The following AFG2A variants were observed in gnomAD, a reference collection of about 807,000 sequenced individuals.
AFG2A encodes AAA ATPase AFG2A.
the AFG2A span, among the ~76,000 whole-genome samples, chr4:123,026,652 T>C: frequency 2.6e-5 from 4 of 152,220 alleles, no homozygotes; most frequent in African/African-American, 9.6e-5. Flanking sequence ...ATGAGTAATA[T>C]ACTTTATGTG....
chr4:123,089,230 A>T, the AFG2A span, among the ~76,000 whole-genome samples: 1 of 152,362 alleles, frequency 6.6e-6, no homozygotes, highest in South Asian at 2.1e-4. Flanking sequence ...ACTTTAACTT[A>T]TAAGTCTAAA....
the AFG2A span, among the ~76,000 whole-genome samples, chr4:123,005,465 G>C: frequency 1.3e-5 from 2 of 151,770 alleles, no homozygotes; most frequent in African/African-American, 2.4e-5. Context: ...TTGTTTTATT[G>C]GTTTTCTGTT....
chr4:123,005,711 T>G, the AFG2A span, among the ~76,000 whole-genome samples: 1 of 152,218 alleles, frequency 6.6e-6, no homozygotes, highest in Non-Finnish European at 1.5e-5. Context: ...GTTCAGTATA[T>G]TTTAGAATTT....
At chr4:123,136,703 G>A in the AFG2A span, among the ~76,000 whole-genome samples, 113 of 151,396 alleles carry the variant, frequency 7.5e-4, no homozygotes, top group African/African-American at 2.6e-3. Context: ...TTAGCTGGGC[G>A]TGGTGGCACA....
the AFG2A span, among the ~76,000 whole-genome samples, chr4:123,160,033 G>A: frequency 1.3e-5 from 2 of 151,988 alleles, no homozygotes; most frequent in South Asian, 4.2e-4. Context: ...TGTTGTTGTT[G>A]TTGTTGTTGT....
At chr4:123,000,341 G>A in the AFG2A span, among the ~76,000 whole-genome samples, 4 of 150,750 alleles carry the variant, frequency 2.7e-5, no homozygotes, top group Admixed American at 6.6e-5. Flanking sequence ...CCAACACTAT[G>A]TTGAATAGGA....
At chr4:122,933,460 T>G in the AFG2A span, 3 of 1,612,578 alleles carry the variant, frequency 1.9e-6, no homozygotes, top group Non-Finnish European at 1.7e-6. Flanking sequence ...TGGAAATTAA[T>G]GAAGAAGAAC....
the AFG2A span, among the ~76,000 whole-genome samples, chr4:122,957,293 T>C: frequency 6.6e-6 from 1 of 152,204 alleles, no homozygotes; most frequent in Non-Finnish European, 1.5e-5. Context: ...TTAGAAACAG[T>C]GCTATAAAGC....
the AFG2A span, among the ~76,000 whole-genome samples, chr4:123,174,824 A>T: frequency 6.6e-6 from 1 of 151,154 alleles, no homozygotes; most frequent in East Asian, 1.9e-4. Context: ...TTTTTTAAAA[A>T]AAATATATAT....
At chr4:123,057,435 C>T in the AFG2A span, 1 of 709,146 alleles carries the variant, frequency 1.4e-6, no homozygotes, top group South Asian at 2.1e-5. Flanking sequence ...TAATTTTTTC[C>T]TCTTATACCC....
the AFG2A span, among the ~76,000 whole-genome samples, chr4:122,931,311 CATT>C: frequency 9.9e-5 from 15 of 152,200 alleles, no homozygotes; most frequent in East Asian, 2.1e-3. Context: ...ATTTCCCCCT[CATT>C]GTATTTCTCT....
At chr4:123,181,130 A>G in the AFG2A span, among the ~76,000 whole-genome samples, 6 of 151,750 alleles carry the variant, frequency 4.0e-5, no homozygotes, top group Non-Finnish European at 5.9e-5. Flanking sequence ...GACTACAGGC[A>G]CCCGCCACCG....
chr4:122,924,391 G>C, the AFG2A span, among the ~76,000 whole-genome samples: 1 of 152,146 alleles, frequency 6.6e-6, no homozygotes. Flanking sequence ...CATGGAAACT[G>C]TTCCTGGTGT....
chr4:123,233,701 A>G, the AFG2A span, among the ~76,000 whole-genome samples: 1 of 151,022 alleles, frequency 6.6e-6, no homozygotes, highest in East Asian at 1.9e-4. Flanking sequence ...TGAGTTCTGC[A>G]TTTTCATACA....
At chr4:123,016,037 T>C in the AFG2A span, among the ~76,000 whole-genome samples, 1 of 14,458 alleles carries the variant, frequency 6.9e-5, no homozygotes, top group Non-Finnish European at 2.7e-4. Context: ...GGCGGGGGGC[T>C]GACCCCCCCA....
chr4:123,023,747 T>C, the AFG2A span, among the ~76,000 whole-genome samples: 1 of 152,114 alleles, frequency 6.6e-6, no homozygotes, highest in Non-Finnish European at 1.5e-5. Context: ...CCGAGCAAGA[T>C]GGCAGCCTCC....
the AFG2A span, among the ~76,000 whole-genome samples, chr4:123,309,505 G>GT: frequency 2.0e-5 from 3 of 152,202 alleles, no homozygotes; most frequent in African/African-American, 7.2e-5. Context: ...TGGAGATTAA[G>GT]TTTCAACATA....
At chr4:123,041,933 T>C in the AFG2A span, among the ~76,000 whole-genome samples, 3 of 152,208 alleles carry the variant, frequency 2.0e-5, no homozygotes, top group Non-Finnish European at 4.4e-5. Context: ...GTGTTTATGC[T>C]ATTAGGTATC....
chr4:123,169,683 A>G, the AFG2A span, among the ~76,000 whole-genome samples: 1 of 151,932 alleles, frequency 6.6e-6, no homozygotes, highest in African/African-American at 2.4e-5. Context: ...GTTTCACCAT[A>G]TTGGTCAGGC....
Sources: gnomAD v4.1 joint callset for allele counts (sites outside exome capture counted in the v4.1 genomes callset) on GRCh38, gnomAD v4.1.1 for gene constraint, MANE v1.5 for transcripts, NCBI Gene and HGNC (gene_info 2026-07-23, HGNC 2026-07-21) for gene names.